Variants in PCDHA5 observed in about 807,000 individuals in gnomAD.
PCDHA5 encodes the protein protocadherin alpha 5.
A neutral mutation model predicts 61.6 loss-of-function variants in PCDHA5; 43 were observed. The observed-to-expected ratio is 0.70, with a 90% CI of 0.55 to 0.90. The LOEUF (loss-of-function observed/expected upper bound fraction) is 0.90. Among genes scored for constraint, PCDHA5 ranks in the 40% least tolerant of loss-of-function variants. The pLI is 0.00. For missense variants in PCDHA5, 1,298 were observed against 1,222.7 expected (o/e 1.06, Z -0.92); for synonymous variants, 627 against 543.9 (o/e 1.15, Z -2.13).
chr5:140,975,139 C>G (rs2096655397), intron 1 of PCDHA5, among the ~76,000 whole-genome samples: 1 of 152,154 alleles, frequency 6.6e-6, no homozygotes, highest in Non-Finnish European at 1.5e-5. Flanking sequence ...GGCCTGGGGT[C>G]ACTCTCAGTT....
chr5:141,010,152 T>C lies in PCDHA5; in HGVS notation c.*215T>C. The C allele has an allele frequency of 1.3e-6, 2 of 1,575,858 alleles. No individual in the cohort carries two copies. The highest frequency in any genetic ancestry group is 1.7e-6 in the Non-Finnish European group (2 of 1,159,570). On this transcript the variant is annotated 3_prime_UTR_variant, in exon 4 of 4. Coordinates refer to ENST00000529859, the MANE Select transcript of PCDHA5 (RefSeq NM_018908.3). ...TGGTGTTAACTCTTTCTCTCCACTCTGGCTTGTTTTCAGAACCTAAAAAGC... is the reference window on the plus strand; with the variant it reads ...TGGTGTTAACTCTTTCTCTCCACTCCGGCTTGTTTTCAGAACCTAAAAAGC...
At chr5:140,836,108 C>T (rs2150253026) in intron 1 of PCDHA5, 50 of 1,613,524 alleles carry the variant, frequency 3.1e-5, no homozygotes, top group Non-Finnish European at 4.0e-5. Flanking sequence ...GCACTGGTGG[C>T]GCAGTGAGAG....
rs78283049 is a variant in PCDHA5 at position 140,938,200 on chromosome 5, C to G, written c.2353-40749C>G. 2.3e-3 allele frequency among the ~76,000 whole-genome samples: 352 copies of G among 152,306 alleles called. 1 individual carries two copies. The highest frequency in any genetic ancestry group is 8.1e-3 in the African/African-American group (335 of 41,568). On this transcript the variant is annotated intron_variant, in intron 1 of 3. Coordinates refer to ENST00000529859, the MANE Select transcript of PCDHA5 (RefSeq NM_018908.3). ...GGCTCAAGCAATCCTCCCACGCCAG[C>G]CTCCCAAAGTGCTGGGATTACAGGC... is the stretch of plus-strand genomic sequence containing the variant.
At chr5:140,958,295 C>T (rs1405336220) in intron 1 of PCDHA5, among the ~76,000 whole-genome samples, 1 of 151,884 alleles carries the variant, frequency 6.6e-6, no homozygotes, top group Admixed American at 6.6e-5. Context: ...TATTATTGAA[C>T]TTAATTAAAA....
At chr5:140,894,133 A>G (rs782349927) in intron 1 of PCDHA5, among the ~76,000 whole-genome samples, 14 of 152,166 alleles carry the variant, frequency 9.2e-5, no homozygotes, top group Non-Finnish European at 1.8e-4. Flanking sequence ...ATAACTTGAA[A>G]TAATTCCCTT....
In PCDHA5 at chr5:141,009,796, T is replaced by C; in HGVS notation, c.2670T>C (p.Thr890=). The C allele has an allele frequency of 6.2e-7, 1 of 1,614,046 alleles. No individual in the cohort carries two copies. The highest frequency in any genetic ancestry group is 8.5e-7 in the Non-Finnish European group (1 of 1,180,016). Residue 890 remains threonine (T), a synonymous_variant, in exon 4 of 4, where the codon ACT becomes ACC. Coordinates refer to ENST00000529859, the MANE Select transcript of PCDHA5 (RefSeq NM_018908.3). ...PAIISIRQEP[T]NSQIDKSDFI... ...TCATCTCCATCCGGCAGGAGCCTACTAACAGCCAAATTGACAAAAGTGACT... is the reference window on the plus strand; with the variant it reads ...TCATCTCCATCCGGCAGGAGCCTACCAACAGCCAAATTGACAAAAGTGACT...
intron 3 of PCDHA5, among the ~76,000 whole-genome samples, chr5:140,992,035 G>C (rs529236840): frequency 6.6e-6 from 1 of 151,988 alleles, no homozygotes; most frequent in South Asian, 2.1e-4. Flanking sequence ...GTGTGTGTGT[G>C]TGTGTGTGTG....
chr5:140,850,377 A>G (rs2150481518), intron 1 of PCDHA5: 3 of 1,597,876 alleles, frequency 1.9e-6, no homozygotes, highest in Middle Eastern at 1.7e-4. Context: ...GGGGCTGTAC[A>G]CGGGCGAGAT....
intron 1 of PCDHA5, chr5:140,824,719 C>T (rs1279844716): frequency 2.0e-5 from 3 of 150,334 alleles, no homozygotes; most frequent in African/African-American, 4.9e-5. Context: ...CTCAGCCTCC[C>T]GAAGTACTAA....
chr5:140,877,162 G>T (rs782642663), intron 1 of PCDHA5: 3 of 1,613,832 alleles, frequency 1.9e-6, no homozygotes, highest in Non-Finnish European at 1.7e-6. Context: ...CAACGCGCCG[G>T]CACTGCTGGC....
At chr5:140,958,597 G>A (rs551005076) in intron 1 of PCDHA5, among the ~76,000 whole-genome samples, 60 of 152,170 alleles carry the variant, frequency 3.9e-4, no homozygotes, top group African/African-American at 1.4e-3. Context: ...ATGATAATTG[G>A]ATCAAAGGAA....
chr5:140,828,136 C>G (rs936364862), intron 1 of PCDHA5: 1 of 1,613,734 alleles, frequency 6.2e-7, no homozygotes. Context: ...AATGTCTGCT[C>G]CTCCCGCTTC....
At chr5:140,954,119 C>T (rs547590061) in intron 1 of PCDHA5, among the ~76,000 whole-genome samples, 2 of 152,156 alleles carry the variant, frequency 1.3e-5, no homozygotes, top group African/African-American at 4.8e-5. Flanking sequence ...AGATCTTGTT[C>T]CTTTTTATGG....
chr5:140,946,791 T>C (rs1019495660), intron 1 of PCDHA5, among the ~76,000 whole-genome samples: 4 of 151,326 alleles, frequency 2.6e-5, no homozygotes, highest in Non-Finnish European at 4.4e-5. Flanking sequence ...GCTGATCTTA[T>C]AGAAGCAGAG....
At chr5:140,996,697 C>T (rs559736986) in intron 3 of PCDHA5, among the ~76,000 whole-genome samples, 1 of 152,236 alleles carries the variant, frequency 6.6e-6, no homozygotes, top group East Asian at 1.9e-4. Flanking sequence ...TCTTCTGAAC[C>T]TCTATCTCTT....
At chr5:140,968,278 G>A in intron 1 of PCDHA5, 1 of 1,614,014 alleles carries the variant, frequency 6.2e-7, no homozygotes, top group Non-Finnish European at 8.5e-7. Context: ...ATGCAGAGGT[G>A]ACCTACTCCC....
intron 3 of PCDHA5, among the ~76,000 whole-genome samples, chr5:140,986,213 C>G (rs1554247816): frequency 6.6e-6 from 1 of 152,208 alleles, no homozygotes. Context: ...TTACTGGCCC[C>G]TTTCTCTAGC....
chr5:140,917,324 C>CGGGGG (rs1299895515), intron 1 of PCDHA5, among the ~76,000 whole-genome samples: 1 of 76,186 alleles, frequency 1.3e-5, no homozygotes, highest in Non-Finnish European at 2.9e-5. Flanking sequence ...GTTCATGTGG[C>CGGGGG]GGGGGAGGGG....
At chr5:140,851,475 T>C (rs1554145417) in intron 1 of PCDHA5, 2 of 890,456 alleles carry the variant, frequency 2.2e-6, no homozygotes, top group African/African-American at 3.6e-5. Flanking sequence ...CAATAAATGT[T>C]ATAAACACAG....
Sources: gnomAD v4.1 joint callset for allele counts (sites outside exome capture counted in the v4.1 genomes callset) on GRCh38, gnomAD v4.1.1 for gene constraint, MANE v1.5 for transcripts, NCBI Gene and HGNC (gene_info 2026-07-23, HGNC 2026-07-21) for gene names.